Variants in CFH observed in about 807,000 individuals in gnomAD.
The protein encoded by CFH is complement factor H, also known as H factor 1 (complement).
A neutral mutation model predicts 147.3 loss-of-function variants in CFH; 53 were observed. The ratio of observed to expected loss-of-function variants is 0.36; its 90% CI spans 0.29 to 0.45. CFH has a LOEUF of 0.45. Ranked by LOEUF, CFH falls within the 20% of genes least tolerant of loss-of-function variation. The probability of loss-of-function intolerance (pLI) is 1.00; values close to 1 mark genes in which losing one functional copy is unlikely to be tolerated. For synonymous variants in CFH, 536 were observed against 489.4 expected (o/e 1.10, Z -1.26); for missense variants, 1,380 against 1,498.0 (o/e 0.92, Z 1.30).
intron 7 of CFH, 52 bp from the exon 8 acceptor site, chr1:196,689,368 T>G: frequency 6.8e-7 from 1 of 1,479,628 alleles, no homozygotes; most frequent in Admixed American, 1.8e-5. Context: ...CTAATATGAG[T>G]GTTTATTACA....
At chr1:196,728,284 T>A in intron 14 of CFH, 62 bp from the exon 15 acceptor site, 1 of 1,102,652 alleles carries the variant, frequency 9.1e-7, no homozygotes, top group Non-Finnish European at 1.3e-6. Context: ...TAACTATTTT[T>A]ATGTAATAGT....
chr1:196,676,018 G>A lies in CFH; in HGVS notation c.380G>A (p.Arg127His), dbSNP rs121913058. 5 of 1,610,526 alleles carry A rather than the reference G, an allele frequency of 3.1e-6. No individual in the cohort carries two copies. The highest frequency in any genetic ancestry group is 3.4e-6 in the Non-Finnish European group (4 of 1,177,460). ...GYQLLGEINY[R>H]ECDTDGWTND... is the part of the protein sequence containing the mutation. Reference sequence around the variant, plus strand: ...CAATTGCTAGGTGAGATTAATTACCGTGAATGTGACACAGATGGATGGACC... The same window carrying A: ...CAATTGCTAGGTGAGATTAATTACCATGAATGTGACACAGATGGATGGACC... The change falls in exon 4 of 22, where the codon CGT (arginine) becomes CAT (histidine). Residue 127 changes from arginine (R) to histidine (H), a missense_variant. By Grantham distance (29) the Arg-to-His change is conservative. Around this residue, in one of 4 missense-constraint regions of CFH, gnomAD observed 260 missense variants for 263.3 expected, o/e 0.99. Transcript: ENST00000367429.
intron 1 of CFH, among the ~76,000 whole-genome samples, chr1:196,661,429 T>A (rs1666900661): frequency 6.6e-6 from 1 of 152,220 alleles, no homozygotes; most frequent in Non-Finnish European, 1.5e-5. Flanking sequence ...ATGTATTTCT[T>A]ACACTTCTGA....
chr1:196,699,813 A>G (rs914909986), intron 9 of CFH, among the ~76,000 whole-genome samples: 1 of 152,176 alleles, frequency 6.6e-6, no homozygotes, highest in Non-Finnish European at 1.5e-5. Flanking sequence ...AATTTTTAAA[A>G]ACAGTTAAGG....
intron 1 of CFH, among the ~76,000 whole-genome samples, chr1:196,652,762 G>A (rs7526622): frequency 0.037 from 5,690 of 151,838 alleles, 361 homozygotes; most frequent in African/African-American, 0.13. Context: ...TTGTTCAATA[G>A]AGATTTTTTT....
At chr1:196,695,776 T>C (rs565499049) in intron 9 of CFH, among the ~76,000 whole-genome samples, 4 of 152,284 alleles carry the variant, frequency 2.6e-5, no homozygotes, top group Middle Eastern at 3.4e-3. Context: ...CAATTGTGAA[T>C]GGGAGTTCAC....
In CFH at chr1:196,745,999, C is replaced by T. The variant is rs777206700; in HGVS notation, c.3493C>T (p.His1165Tyr). 23 of 1,614,064 alleles carry T rather than the reference C, an allele frequency of 1.4e-5. No homozygotes were observed. Among genetic ancestry groups the T allele is most frequent in the Admixed American group, 3.3e-5 (2 of 60,016 alleles). The change falls in exon 21 of 22, where the codon CAT (histidine) becomes TAT (tyrosine). Residue 1165 changes from histidine to tyrosine, a missense_variant and splice_region_variant. Coordinates refer to ENST00000367429, the MANE Select transcript of CFH (RefSeq NM_000186.4). The part of the protein sequence containing the change: ...GQWSEPPKCL[H>Y]PCVISREIME... ...ATGGTCAGAACCACCAAAATGCTTA[C>T]GTAAGTACTTTAATATTCACGTGGC... is the stretch of plus-strand genomic sequence containing the variant.
chr1:196,715,323 A>T (rs931676851), intron 10 of CFH, among the ~76,000 whole-genome samples: 1 of 152,040 alleles, frequency 6.6e-6, no homozygotes, highest in Admixed American at 6.6e-5. Context: ...CATTGTCATA[A>T]ATGCTTTAGT....
chr1:196,696,601 T>A (rs1335728104), intron 9 of CFH, among the ~76,000 whole-genome samples: 3 of 152,200 alleles, frequency 2.0e-5, no homozygotes, highest in Non-Finnish European at 2.9e-5. Context: ...TTTGGCAGCA[T>A]GCCATCCCCA....
chr1:196,670,040 G>A (rs1251106625), intron 1 of CFH, among the ~76,000 whole-genome samples: 1 of 152,204 alleles, frequency 6.6e-6, no homozygotes, highest in African/African-American at 2.4e-5. Flanking sequence ...GGAACTTTGA[G>A]TTTTAATGAC....
chr1:196,710,535 T>C (rs1021911998), intron 9 of CFH, among the ~76,000 whole-genome samples: 2 of 152,168 alleles, frequency 1.3e-5, no homozygotes, highest in Non-Finnish European at 2.9e-5. Context: ...AATTTGGTAA[T>C]GTGAGTTTTT....
Position 196,741,680 on chromosome 1 carries a change from C to G in CFH, c.2957-195C>G, listed in dbSNP as rs1652812653. The G allele has an allele frequency of 7.0e-6, 4 of 575,218 alleles. No individual in the cohort carries two copies. In the East Asian group the frequency reaches 1.2e-4, roughly 17 times the overall value. The allele number at this position is 575,218 out of a possible 1,614,324, so 35.6% of individuals were successfully genotyped here. On this transcript the variant is annotated intron_variant, in intron 18 of 21. Coordinates refer to ENST00000367429, the MANE Select transcript of CFH (RefSeq NM_000186.4). ...TTCAGTCTTCTAATATCATTTCTAT[C>G]TTGTATTTTTAATAGATTTAGAAGA...
At chr1:196,690,867 A>G (rs1667999126) in intron 9 of CFH, among the ~76,000 whole-genome samples, 2 of 152,038 alleles carry the variant, frequency 1.3e-5, no homozygotes, top group South Asian at 2.1e-4. Flanking sequence ...GGCCAGCGCC[A>G]TGTTGCTTTC....
At chr1:196,718,169 C>A (rs539709363) in intron 11 of CFH, among the ~76,000 whole-genome samples, 1 of 152,056 alleles carries the variant, frequency 6.6e-6, no homozygotes, top group Non-Finnish European at 1.5e-5. Context: ...GGTGAAAACA[C>A]AAGCACAGGT....
intron 9 of CFH, among the ~76,000 whole-genome samples, chr1:196,691,573 T>C (rs1168469517): frequency 6.6e-6 from 1 of 151,904 alleles, no homozygotes; most frequent in Non-Finnish European, 1.5e-5. Flanking sequence ...CTTCTAATCT[T>C]TGGAAATGCA....
chr1:196,674,934 A>C (rs1667405146), intron 3 of CFH, among the ~76,000 whole-genome samples: 1 of 152,202 alleles, frequency 6.6e-6, no homozygotes, highest in Non-Finnish European at 1.5e-5. Flanking sequence ...GTAGATACCA[A>C]ATAAGTATAA....
chr1:196,741,773 T>C, intron 18 of CFH, 102 bp from the exon 19 acceptor site: 1 of 1,046,868 alleles, frequency 9.6e-7, no homozygotes, highest in Non-Finnish European at 1.5e-6. Flanking sequence ...TTGTACAGTA[T>C]TCATTGATTC....
chr1:196,667,161 T>C (rs2149073875), intron 1 of CFH, among the ~76,000 whole-genome samples: 1 of 152,330 alleles, frequency 6.6e-6, no homozygotes, highest in East Asian at 1.9e-4. Context: ...AATAGTTTTA[T>C]GCAAAGAGGC....
rs1267951851 is a variant in CFH, at chr1:196,692,778, CTT to C, written c.1336+2541_1336+2542del. Among the ~76,000 whole-genome samples the C allele has an allele frequency of 2.2e-5, 2 of 91,818 alleles. 1 individual carries two copies. The allele number at this position is 91,818 out of a possible 152,430, so 60.2% of individuals were successfully genotyped here. A position where few individuals can be genotyped will look rare whatever the true frequency, so the allele number is the denominator to read the frequency against. On this transcript the variant is annotated intron_variant, in intron 9 of 21. Transcript: ENST00000367429. The stretch of plus-strand genomic sequence containing the variant: ...TCTTTCTTTCTTTCTTTCTTTCTTT[CTT>C]TCTTTCTTTCTTTCTTTCTTTCTTT...
Sources: allele counts gnomAD v4.1 joint callset (sites outside exome capture counted in the v4.1 genomes callset), GRCh38; gene constraint gnomAD v4.1.1; regional missense constraint gnomAD v4.1.1; transcripts MANE v1.5; gene names NCBI Gene and HGNC (gene_info 2026-07-23, HGNC 2026-07-21).